The following SYT12 variants were observed in gnomAD, a reference collection of about 807,000 sequenced individuals.
The protein encoded by SYT12 is synaptotagmin-12.
SYT12 carries 27 observed loss-of-function variants against 39.5 expected under a neutral mutation model. The observed-to-expected ratio is 0.68, with a 90% CI of 0.50 to 0.94. The LOEUF (loss-of-function observed/expected upper bound fraction) is 0.94. SYT12 is among the 40% of genes least tolerant of loss of function. The probability of loss-of-function intolerance (pLI) is 0.00; values close to 1 mark genes in which losing one functional copy is unlikely to be tolerated. For missense variants in SYT12, 536 were observed against 572.6 expected (o/e 0.94, Z 0.65); for synonymous variants, 233 against 239.7 (o/e 0.97, Z 0.26).
intron 1 of SYT12, chr11:67,029,883 A>T (rs1489727894): frequency 4.3e-6 from 2 of 466,686 alleles, no homozygotes; most frequent in African/African-American, 2.0e-5. Flanking sequence ...CAAAATCTGA[A>T]ATTCACATGC....
rs772975086 is a variant in SYT12 at position 67,043,829 on chromosome 11, G to A, written c.813G>A (p.Trp271Ter). ...TCCCGCTGCAGCCCTTCAGTGGCTG[G>A]CTCTATTTACAGGACCAGAACAAGG... The part of the protein sequence containing the change: ...LDLPLQPFSG[W>*]LYLQDQNKAA... The change falls in exon 5 of 8, where the codon TGG becomes TGA. Residue 271 changes from tryptophan (W) to a stop codon, truncating the protein, a stop_gained. Transcript: ENST00000527043. LOFTEE classifies it high-confidence loss of function. 4 of 1,613,924 alleles carry A rather than the reference G, an allele frequency of 2.5e-6. No individual in the cohort carries two copies. In the African/African-American group the frequency reaches 5.3e-5, roughly 22 times the overall value.
Position 67,039,963 on chromosome 11 carries a change from C to T in SYT12, c.381C>T (p.Thr127=), listed in dbSNP as rs376404531. 44 of 1,613,758 alleles carry T rather than the reference C, an allele frequency of 2.7e-5. No homozygotes were observed. The African/African-American group carries it at 5.2e-4, about 19-fold the overall frequency. The change falls in exon 4 of 8, where the codon ACC becomes ACT. Residue 127 remains threonine (T), a synonymous_variant. Coordinates refer to ENST00000527043, the MANE Select transcript of SYT12 (RefSeq NM_177963.4). ...GRELDLAPYG[T]LRKSQSADSL... ...AGTTGGACCTGGCCCCCTATGGGACCCTCCGGAAGTCCCAGTCGGCCGACT... is the reference window on the plus strand; with the variant it reads ...AGTTGGACCTGGCCCCCTATGGGACTCTCCGGAAGTCCCAGTCGGCCGACT...
At chr11:67,038,978 C>G (rs555416476) in intron 3 of SYT12, among the ~76,000 whole-genome samples, 2 of 148,204 alleles carry the variant, frequency 1.3e-5, no homozygotes, top group African/African-American at 2.6e-5. Flanking sequence ...TGCAGCGAGA[C>G]TCTGTCTCAA....
upstream of SYT12, chr11:67,021,891 A>G (rs775848071): frequency 1.3e-5 from 2 of 151,852 alleles, no homozygotes; most frequent in Non-Finnish European, 2.9e-5. Flanking sequence ...AAATGAAGAC[A>G]AAAGCGCCCC....
intron 5 of SYT12, 109 bp downstream of exon 5, chr11:67,043,962 A>G (rs1950562909): frequency 2.8e-6 from 3 of 1,066,824 alleles, no homozygotes; most frequent in Admixed American, 4.2e-5. Context: ...GAGCCCCATC[A>G]TCATTAGGAG....
upstream of SYT12, among the ~76,000 whole-genome samples, chr11:67,018,549 G>A (rs1429833745): frequency 1.3e-5 from 2 of 151,942 alleles, no homozygotes; most frequent in Non-Finnish European, 2.9e-5. Flanking sequence ...GAGGCCGGGC[G>A]CGGTGGCTCA....
intron 2 of SYT12, chr11:67,031,362 C>T (rs1950263777): frequency 6.6e-6 from 1 of 152,520 alleles, no homozygotes; most frequent in African/African-American, 2.4e-5. Flanking sequence ...TGAGTCCTGG[C>T]ACCTGGTGGT....
chr11:67,015,284 G>A (rs1242391757), intron 3 of SYT12, among the ~76,000 whole-genome samples: 1 of 152,238 alleles, frequency 6.6e-6, no homozygotes, highest in Non-Finnish European at 1.5e-5. Flanking sequence ...GGCGGCCAAG[G>A]CCAATGCTGG....
At chr11:67,035,586 T>C (rs1950345945) in intron 3 of SYT12, among the ~76,000 whole-genome samples, 1 of 150,642 alleles carries the variant, frequency 6.6e-6, no homozygotes, top group African/African-American at 2.4e-5. Context: ...GCCTCCTGAG[T>C]AGCTGGGACT....
At chr11:67,028,921 T>TACC (rs1266872306) in intron 1 of SYT12, 1 of 152,258 alleles carries the variant, frequency 6.6e-6, no homozygotes, top group African/African-American at 2.4e-5. Context: ...CCCCTTGCCC[T>TACC]ACCACCCTGC....
At chr11:67,047,413 A>G (rs10896149) in intron 7 of SYT12, among the ~76,000 whole-genome samples, 97,765 of 149,904 alleles carry the variant, frequency 0.65, 37,864 homozygotes, top group South Asian at 0.87. Flanking sequence ...GATTACAGGC[A>G]AGCACCATCA....
chr11:67,007,823 C>G (rs1036070202), intron 1 of SYT12, among the ~76,000 whole-genome samples: 16 of 152,106 alleles, frequency 1.1e-4, no homozygotes, highest in Admixed American at 9.8e-4. Context: ...CTTGGCCTCC[C>G]GAAGTGCTGG....
chr11:67,012,357 C>T (rs1232188787), intron 3 of SYT12, among the ~76,000 whole-genome samples: 7 of 151,856 alleles, frequency 4.6e-5, no homozygotes, highest in Admixed American at 2.0e-4. Flanking sequence ...GGTGATAGAG[C>T]GAGGCTCCAT....
upstream of SYT12, among the ~76,000 whole-genome samples, chr11:67,019,300 C>T (rs1950085298): frequency 1.3e-5 from 2 of 151,856 alleles, no homozygotes; most frequent in Admixed American, 6.6e-5. Flanking sequence ...TGGAGAAACC[C>T]CATCTCTACT....
At chr11:67,036,926 A>G (rs1950392242) in intron 3 of SYT12, among the ~76,000 whole-genome samples, 1 of 152,134 alleles carries the variant, frequency 6.6e-6, no homozygotes, top group Non-Finnish European at 1.5e-5. Flanking sequence ...ATACAAAATT[A>G]GCCAAGTGTG....
At chr11:67,043,612 G>T (rs116232231) in intron 4 of SYT12, 26 bp from the exon 5 acceptor site, 29 of 1,611,890 alleles carry the variant, frequency 1.8e-5, no homozygotes, top group Admixed American at 3.3e-5. Flanking sequence ...GGCCCCTAGC[G>T]CCCTCCATGG....
chr11:67,034,847 T>C lies in SYT12; in HGVS notation c.228+9T>C. On this transcript the variant is annotated intron_variant, in intron 3 of 7. Transcript: ENST00000527043. ...CAGAGGCCAGGGAGAAGGTGAGGCT[T>C]CTGCTCCTGCAGGTGCACAGCGAGT... The C allele has an allele frequency of 6.6e-7, 1 of 1,524,588 alleles. No individual in the cohort carries two copies. The highest frequency in any genetic ancestry group is 1.3e-5 in the South Asian group (1 of 77,508). The allele number at this position is 1,524,588 out of a possible 1,614,324, so 94.4% of individuals were successfully genotyped here. A position where few individuals can be genotyped will look rare whatever the true frequency, so the allele number is the denominator to read the frequency against.
chr11:67,039,962 C>T lies in SYT12; in HGVS notation c.380C>T (p.Thr127Ile), dbSNP rs754254463. Residue 127 changes from threonine (T) to isoleucine (I), a missense_variant, in exon 4 of 8, where the codon ACC (threonine) becomes ATC (isoleucine). Physicochemically the swap from Thr to Ile is moderately conservative, Grantham distance 89. Transcript: ENST00000527043. ...GRELDLAPYG[T>I]LRKSQSADSL... ...GAGTTGGACCTGGCCCCCTATGGGA[C>T]CCTCCGGAAGTCCCAGTCGGCCGAC... 2.5e-6 allele frequency: 4 copies of T among 1,613,756 alleles called. No individual in the cohort carries two copies. The South Asian group carries it at 4.4e-5, about 18-fold the overall frequency.
chr11:67,015,998 G>A (rs925057527), intron 3 of SYT12, among the ~76,000 whole-genome samples: 1 of 152,118 alleles, frequency 6.6e-6, no homozygotes, highest in Admixed American at 6.6e-5. Flanking sequence ...GATGATGGGA[G>A]GGCCAGGCAT....
Sources: gnomAD v4.1 joint callset for allele counts (sites outside exome capture counted in the v4.1 genomes callset) on GRCh38, gnomAD v4.1.1 for gene constraint, MANE v1.5 for transcripts, NCBI Gene and HGNC (gene_info 2026-07-23, HGNC 2026-07-21) for gene names.